The following CHN1 variants were observed in gnomAD, a reference collection of about 807,000 sequenced individuals.
CHN1 encodes the protein N-chimaerin.
Under a neutral mutation model 59.5 loss-of-function variants are expected in CHN1, and 37 were observed. The ratio of observed to expected loss-of-function variants is 0.62; its 90% confidence interval spans 0.48 to 0.82. The LOEUF is 0.82. Ranked by LOEUF, CHN1 falls within the 40% of genes least tolerant of loss-of-function variation. The pLI, the probability that CHN1 is intolerant of heterozygous loss-of-function variation, is 0.00. For missense variants in CHN1, 469 were observed against 571.0 expected (o/e 0.82, Z 1.82); for synonymous variants, 206 against 200.4 (o/e 1.03, Z -0.24).
intron 5 of CHN1, among the ~76,000 whole-genome samples, chr2:174,897,852 G>C (rs1361259283): frequency 1.3e-5 from 2 of 152,160 alleles, no homozygotes; most frequent in African/African-American, 4.8e-5. Flanking sequence ...GAGGCAGGGA[G>C]AAGGAAAGAA....
rs1690607655 is a variant in CHN1 at position 174,966,808 on chromosome 2, G to A, written c.20-14606C>T. On this transcript the variant is annotated intron_variant, in intron 1 of 12. Coordinates refer to ENST00000409900, the MANE Select transcript of CHN1 (RefSeq NM_001822.7). ...TCGGCATATTTACAGAAAGTCCTCA[G>A]ACAGGCCTGTTTACCTACAGGATTT... 2.0e-5 allele frequency among the ~76,000 whole-genome samples: 3 copies of A among 152,168 alleles called. No individual in the cohort carries two copies. The South Asian group carries it at 6.2e-4, about 32-fold the overall frequency.
At chr2:174,926,919 A>G (rs1181955510) in intron 3 of CHN1, among the ~76,000 whole-genome samples, 3 of 151,866 alleles carry the variant, frequency 2.0e-5, no homozygotes, top group Non-Finnish European at 4.4e-5. Context: ...CACCACGCCC[A>G]GCTAATTTTT....
chr2:174,976,343 T>G (rs1690939081), intron 1 of CHN1, among the ~76,000 whole-genome samples: 2 of 151,746 alleles, frequency 1.3e-5, no homozygotes, highest in Non-Finnish European at 2.9e-5. Context: ...GTTCAAGCAA[T>G]TCTCCTGCCT....
At chr2:175,003,092 G>T (rs1032494359) in intron 1 of CHN1, among the ~76,000 whole-genome samples, 1 of 152,176 alleles carries the variant, frequency 6.6e-6, no homozygotes, top group African/African-American at 2.4e-5. Context: ...TTGGGCAAAA[G>T]AATCTACATT....
intron 1 of CHN1, among the ~76,000 whole-genome samples, chr2:174,956,252 T>C (rs1690200885): frequency 6.6e-6 from 1 of 152,036 alleles, no homozygotes; most frequent in South Asian, 2.1e-4. Flanking sequence ...AGAATTATCC[T>C]TCAAATCAGA....
intron 6 of CHN1, among the ~76,000 whole-genome samples, chr2:174,867,302 G>A (rs1384125005): frequency 1.3e-5 from 2 of 151,882 alleles, no homozygotes; most frequent in African/African-American, 4.8e-5. Context: ...ACCTGAACTC[G>A]GGAGATGGAG....
At chr2:174,952,311 G>A in intron 1 of CHN1, 109 bp from the exon 2 acceptor site, 1 of 703,986 alleles carries the variant, frequency 1.4e-6, no homozygotes, top group Non-Finnish European at 2.2e-6. Context: ...TTTGTTCTAG[G>A]TATTGTGCTA....
rs199663916 is a variant in CHN1, at chr2:174,812,382, C to T, written c.813G>A (p.Thr271=). The T allele has an allele frequency of 2.5e-6, 4 of 1,614,008 alleles. No individual in the cohort carries two copies. Among genetic ancestry groups the T allele is most frequent in the East Asian group, 4.5e-5 (2 of 44,892 alleles). ...HVKKVYSCDL[T]TLVKAHTTKR... Reference sequence around the variant, plus strand: ...TAGTGGTATGTGCTTTCACGAGCGTCGTAAGGTCACAGCTGTACACCTTTT... The same window carrying T: ...TAGTGGTATGTGCTTTCACGAGCGTTGTAAGGTCACAGCTGTACACCTTTT... The change falls in exon 9 of 13, where the codon ACG becomes ACA. Residue 271 remains threonine, a synonymous_variant. Transcript: ENST00000409900.
At chr2:174,975,896 C>T (rs951219033) in intron 1 of CHN1, among the ~76,000 whole-genome samples, 87 of 151,260 alleles carry the variant, frequency 5.8e-4, no homozygotes, top group African/African-American at 2.1e-3. Context: ...CCGAGGTGGG[C>T]GGATCACGAG....
chr2:174,814,338 T>C (rs1409051076), intron 8 of CHN1, among the ~76,000 whole-genome samples: 1 of 152,248 alleles, frequency 6.6e-6, no homozygotes, highest in East Asian at 1.9e-4. Context: ...GTATCATTAA[T>C]GTCCAAATGA....
intron 1 of CHN1, among the ~76,000 whole-genome samples, chr2:174,970,122 T>C (rs1387515045): frequency 6.6e-6 from 1 of 152,178 alleles, no homozygotes; most frequent in Non-Finnish European, 1.5e-5. Flanking sequence ...TTTAAAGTAT[T>C]GGTTTTGTTA....
chr2:174,994,548 G>A (rs1450273376), intron 1 of CHN1, among the ~76,000 whole-genome samples: 4 of 152,136 alleles, frequency 2.6e-5, no homozygotes, highest in Admixed American at 2.0e-4. Context: ...GGGGGGACAC[G>A]AGACTATAAA....
intron 6 of CHN1, among the ~76,000 whole-genome samples, chr2:174,870,314 AT>A (rs1687367835): frequency 6.6e-6 from 1 of 152,184 alleles, no homozygotes; most frequent in African/African-American, 2.4e-5. Context: ...ACGTTTAAGC[AT>A]TTTTGACCAG....
At chr2:174,957,174 G>C (rs1690234105) in intron 1 of CHN1, among the ~76,000 whole-genome samples, 1 of 152,192 alleles carries the variant, frequency 6.6e-6, no homozygotes, top group Non-Finnish European at 1.5e-5. Context: ...TAGGAACACT[G>C]TCTAGACAGC....
chr2:174,892,968 C>A (rs899587474), intron 5 of CHN1, among the ~76,000 whole-genome samples: 3 of 152,050 alleles, frequency 2.0e-5, no homozygotes, highest in African/African-American at 7.2e-5. Flanking sequence ...AAGGAAATTA[C>A]CTCAGTATAA....
intron 6 of CHN1, chr2:174,847,707 T>G: frequency 2.6e-6 from 3 of 1,174,916 alleles, no homozygotes; most frequent in Non-Finnish European, 3.4e-6. Flanking sequence ...AGTACTGTAT[T>G]CCTAAACTCA....
intron 8 of CHN1, among the ~76,000 whole-genome samples, chr2:174,820,378 G>A (rs547055317): frequency 4.3e-4 from 65 of 152,262 alleles, no homozygotes; most frequent in African/African-American, 1.4e-3. Context: ...GTATGAGATG[G>A]TATCTCATTG....
intron 1 of CHN1, among the ~76,000 whole-genome samples, chr2:175,002,312 T>C (rs1240997149): frequency 6.6e-6 from 1 of 152,232 alleles, no homozygotes; most frequent in Non-Finnish European, 1.5e-5. Context: ...TCTTTCAAGA[T>C]TGGGGTCTGG....
At chr2:174,955,209 A>C (rs919347262) in intron 1 of CHN1, among the ~76,000 whole-genome samples, 5 of 42,574 alleles carry the variant, frequency 1.2e-4, no homozygotes, top group Admixed American at 3.0e-4. Context: ...TAATTGATAT[A>C]TATATATATC....
Sources: gnomAD v4.1 joint callset for allele counts (sites outside exome capture counted in the v4.1 genomes callset) on GRCh38, gnomAD v4.1.1 for gene constraint, MANE v1.5 for transcripts, NCBI Gene and HGNC (gene_info 2026-07-23, HGNC 2026-07-21) for gene names.